AFAP1: variants seen among roughly 807,000 people sequenced by gnomAD.
AFAP1 encodes the protein actin filament associated protein 1.
A neutral mutation model predicts 93.9 loss-of-function variants in AFAP1; 75 were observed. That is an observed-to-expected ratio of 0.80 (90% CI 0.66 to 0.97). The LOEUF (loss-of-function observed/expected upper bound fraction) is 0.97. AFAP1 is among the 50% of genes least tolerant of loss of function. The probability of loss-of-function intolerance (pLI) is 0.00; values close to 1 mark genes in which losing one functional copy is unlikely to be tolerated. For synonymous variants in AFAP1, 517 were observed against 430.7 expected (o/e 1.20, Z -2.48); for missense variants, 1,201 against 1,050.8 (o/e 1.14, Z -1.98).
At position 7,759,001 on chromosome 4, in the gene AFAP1, T is replaced by C. The variant is rs974288342; in HGVS notation, c.*4764A>G. ...TTTAAAAAAATCTTTGCTGTTTCTT[T>C]GCCTGTTTCTTTCAAAGAGAATTTT... On this transcript the variant is annotated 3_prime_UTR_variant, in exon 18 of 18. Transcript: ENST00000420658. 3.9e-5 allele frequency: 6 copies of C among 152,598 alleles called. No individual in the cohort carries two copies. The highest frequency in any genetic ancestry group is 1.4e-4 in the African/African-American group (6 of 41,470). The allele number at this position is 152,598 out of a possible 1,614,324, so 9.5% of individuals were successfully genotyped here.
chr4:7,764,272 G>GGCTCACGCCTGGAATC (rs1428838585), intron 17 of AFAP1, among the ~76,000 whole-genome samples: 12 of 152,212 alleles, frequency 7.9e-5, no homozygotes, highest in Non-Finnish European at 1.2e-4. Context: ...TGGGTGCAGT[G>GGCTCACGCCTGGAATC]GCTCACGCCT....
intron 1 of AFAP1, among the ~76,000 whole-genome samples, chr4:7,891,984 G>T (rs1718498693): frequency 6.6e-6 from 1 of 152,114 alleles, no homozygotes; most frequent in Admixed American, 6.6e-5. Context: ...AACCCGGGAA[G>T]CGGAGGTTGC....
At chr4:7,828,254 C>T (rs1721608586) in intron 6 of AFAP1, among the ~76,000 whole-genome samples, 2 of 152,304 alleles carry the variant, frequency 1.3e-5, no homozygotes, top group Admixed American at 6.5e-5. Context: ...GTCGCCCCCA[C>T]GCCCCCCGGC....
At chr4:7,901,689 A>G (rs7694650) in intron 1 of AFAP1, among the ~76,000 whole-genome samples, 69,531 of 152,152 alleles carry the variant, frequency 0.46, 18,295 homozygotes, top group Non-Finnish European at 0.61. Context: ...CTCCCTGTAC[A>G]CACACTCGGA....
At chr4:7,772,768 T>A in intron 16 of AFAP1, 52 bp downstream of exon 16, 1 of 1,563,196 alleles carries the variant, frequency 6.4e-7, no homozygotes, top group Admixed American at 1.7e-5. Flanking sequence ...GCACTGGCCC[T>A]CGGCCACGCA....
intron 4 of AFAP1, among the ~76,000 whole-genome samples, chr4:7,845,568 G>A (rs2149120991): frequency 6.6e-6 from 1 of 152,214 alleles, no homozygotes; most frequent in Admixed American, 6.5e-5. Context: ...GGGATGCAAT[G>A]AGGGGCTGAC....
chr4:7,829,423 G>A (rs1351023056), intron 6 of AFAP1, among the ~76,000 whole-genome samples: 2 of 152,158 alleles, frequency 1.3e-5, no homozygotes, highest in Non-Finnish European at 1.5e-5. Flanking sequence ...CCACTTCCCT[G>A]AGGCCTCCTC....
chr4:7,786,750 A>C (rs1363252188), intron 11 of AFAP1, among the ~76,000 whole-genome samples: 1 of 152,250 alleles, frequency 6.6e-6, no homozygotes, highest in African/African-American at 2.4e-5. Context: ...TGTTCATAAT[A>C]AAGTTTTATT....
At chr4:7,837,347 AGAGCCC>A (rs1712426115) in intron 6 of AFAP1, among the ~76,000 whole-genome samples, 1 of 152,184 alleles carries the variant, frequency 6.6e-6, no homozygotes, top group Admixed American at 6.5e-5. Flanking sequence ...TCATGAGGGC[AGAGCCC>A]CCATGAATGG....
At chr4:7,780,548 T>TA (rs1716652437) in intron 13 of AFAP1, among the ~76,000 whole-genome samples, 1 of 152,222 alleles carries the variant, frequency 6.6e-6, no homozygotes, top group Non-Finnish European at 1.5e-5. Flanking sequence ...CACGGTGGCA[T>TA]GTGCCTGTTG....
intron 3 of AFAP1, among the ~76,000 whole-genome samples, chr4:7,865,044 AAGAC>A (rs1716246204): frequency 1.3e-5 from 2 of 152,228 alleles, no homozygotes; most frequent in Non-Finnish European, 2.9e-5. Flanking sequence ...ATTAAAAAAA[AAGAC>A]AGGGCAACAT....
At chr4:7,850,295 C>G (rs189471697) in intron 4 of AFAP1, among the ~76,000 whole-genome samples, 132 of 152,268 alleles carry the variant, frequency 8.7e-4, no homozygotes, top group African/African-American at 3.0e-3. Flanking sequence ...GTGCACATGA[C>G]CATCCAACAT....
At position 7,838,691 on chromosome 4, in the gene AFAP1, A is replaced by C. The variant is rs367872901; in HGVS notation, c.559T>G (p.Ser187Ala). 27 of 1,613,932 alleles carry C rather than the reference A, an allele frequency of 1.7e-5. No homozygotes were observed. Among genetic ancestry groups the C allele is most frequent in the Non-Finnish European group, 2.2e-5 (26 of 1,179,990 alleles). ...TCCATCTGAGGCTGCTGGTCCTTGGAACTTTTATAGCACTGCATTCAACAC... is the reference window on the plus strand; with the variant it reads ...TCCATCTGAGGCTGCTGGTCCTTGGCACTTTTATAGCACTGCATTCAACAC... ...KDTKLLCYKS[S>A]KDQQPQMELP... is the part of the protein sequence containing the mutation. The change falls in exon 6 of 18, where the codon TCC becomes GCC. Residue 187 changes from serine to alanine, a missense_variant. Physicochemically the swap from Ser to Ala is moderately conservative, Grantham distance 99. Transcript: ENST00000420658.
At chr4:7,827,004 G>A (rs568918239) in intron 6 of AFAP1, among the ~76,000 whole-genome samples, 22 of 152,198 alleles carry the variant, frequency 1.4e-4, no homozygotes, top group South Asian at 4.2e-4. Flanking sequence ...AAAGGCAGGC[G>A]ACATAAAGAG....
intron 3 of AFAP1, among the ~76,000 whole-genome samples, chr4:7,866,228 G>A (rs965186393): frequency 6.7e-6 from 1 of 150,220 alleles, no homozygotes; most frequent in South Asian, 2.1e-4. Flanking sequence ...ACAGAGTCTC[G>A]CTCTGTCACC....
At chr4:7,850,065 G>A (rs935460906) in intron 4 of AFAP1, among the ~76,000 whole-genome samples, 1 of 152,142 alleles carries the variant, frequency 6.6e-6, no homozygotes, top group Non-Finnish European at 1.5e-5. Context: ...GGGATGCCAC[G>A]AGAAGGTTGT....
At chr4:7,799,112 A>G (rs1718773434) in intron 10 of AFAP1, 1 of 984,378 alleles carries the variant, frequency 1.0e-6, no homozygotes, top group Non-Finnish European at 1.2e-6. Context: ...TACGGTGGGT[A>G]AAGAAGCTGA....
At chr4:7,868,257 C>A (rs1716649028) in intron 3 of AFAP1, among the ~76,000 whole-genome samples, 1 of 152,132 alleles carries the variant, frequency 6.6e-6, no homozygotes, top group Non-Finnish European at 1.5e-5. Context: ...TCAGAATTAA[C>A]TCAGAAGAGA....
At position 7,939,424 on chromosome 4, in the gene AFAP1, G is replaced by A. The variant is rs887931376; in HGVS notation, c.-3+232C>T. 1.3e-5 allele frequency: 4 copies of A among 303,500 alleles called. No individual in the cohort carries two copies. The highest frequency in any genetic ancestry group is 7.0e-5 in the African/African-American group (3 of 42,860). The allele number at this position is 303,500 out of a possible 1,614,324, so 18.8% of individuals were successfully genotyped here. On this transcript the variant is annotated intron_variant, in intron 1 of 17. Coordinates refer to ENST00000420658, the MANE Select transcript of AFAP1 (RefSeq NM_001134647.2). The surrounding 1 kb of genome is among the most constrained non-coding windows in gnomAD (Gnocchi z 5.6). ...TCCACGCAGTCCCCTCCGGGCAGAC[G>A]CGGGGAGCTGGGGAGCAGTGGGGAC...
Sources: gnomAD v4.1 joint callset for allele counts (sites outside exome capture counted in the v4.1 genomes callset) on GRCh38, gnomAD v4.1.1 for gene constraint, Gnocchi (gnomAD v3.1) non-coding constraint, MANE v1.5 for transcripts, NCBI Gene and HGNC (gene_info 2026-07-23, HGNC 2026-07-21) for gene names.